The following UNK variants were observed in gnomAD, a reference collection of about 807,000 sequenced individuals.
The protein encoded by UNK is RING finger protein unkempt homolog.
A neutral mutation model predicts 97.6 loss-of-function variants in UNK; 32 were observed. That is an observed-to-expected ratio of 0.33 (90% confidence interval 0.25 to 0.44). The LOEUF (loss-of-function observed/expected upper bound fraction) is 0.44, where lower values mean the gene tolerates loss of function less well. UNK is among the 20% of genes least tolerant of loss of function. The probability of loss-of-function intolerance (pLI) is 1.00; values close to 1 mark genes in which losing one functional copy is unlikely to be tolerated. For missense variants in UNK, 771 were observed against 1,098.4 expected (o/e 0.70, Z 4.21); for synonymous variants, 441 against 461.2 (o/e 0.96, Z 0.56).
intron 13 of UNK, among the ~76,000 whole-genome samples, chr17:75,821,035 A>G (rs1406960600): frequency 7.0e-6 from 1 of 142,716 alleles, no homozygotes; most frequent in African/African-American, 2.5e-5. Flanking sequence ...GACTTGCCCC[A>G]TATTCGGATA....
rs2061981593 is a variant in UNK, at chr17:75,812,731, C to T, written c.622+146C>T. ...CACCCTACACCCACCATTCAAAAGG[C>T]GCCTCTAGGGGCGTTTTCCCTGACA... On this transcript the variant is annotated intron_variant, in intron 4 of 15. Transcript: ENST00000589666. 9 of 1,298,114 alleles carry T rather than the reference C, an allele frequency of 6.9e-6. No homozygotes were observed. In the East Asian group the frequency reaches 1.0e-4, roughly 15 times the overall value. The allele number at this position is 1,298,114 out of a possible 1,614,324, so 80.4% of individuals were successfully genotyped here.
chr17:75,822,383 TG>T, intron 13 of UNK, 93 bp from the exon 14 acceptor site: 1 of 1,431,442 alleles, frequency 7.0e-7, no homozygotes, highest in Non-Finnish European at 9.4e-7. Context: ...ACCCATCCAG[TG>T]GACAGCCAGT....
chr17:75,823,762 T>C (rs1387326497), intron 15 of UNK, among the ~76,000 whole-genome samples: 2 of 152,162 alleles, frequency 1.3e-5, no homozygotes, highest in Non-Finnish European at 2.9e-5. Flanking sequence ...AGGGCGGCCC[T>C]GACCAAGCTT....
intron 6 of UNK, 78 bp from the exon 7 acceptor site, chr17:75,815,067 GGCAAGAGATGACTAAGCCAGCGCA>G: frequency 9.6e-7 from 1 of 1,046,232 alleles, no homozygotes; most frequent in Non-Finnish European, 1.4e-6. Context: ...GGGAACACAG[GGCAAGAGATGACTAAGCCAGCGCA>G]CTCATGCTGG....
intron 1 of UNK, among the ~76,000 whole-genome samples, chr17:75,789,171 A>T (rs990407305): frequency 6.6e-6 from 1 of 152,152 alleles, no homozygotes; most frequent in Non-Finnish European, 1.5e-5. Flanking sequence ...TAATCCTTTC[A>T]GCAAATTGGT....
At chr17:75,820,186 C>T in intron 13 of UNK, 78 bp downstream of exon 13, 1 of 1,447,086 alleles carries the variant, frequency 6.9e-7, no homozygotes. Flanking sequence ...GCCACCCCAT[C>T]TACGGCATAT....
Position 75,811,861 on chromosome 17 carries a change from C to T in UNK, c.315-251C>T, listed in dbSNP as rs1336733224. ...AATTAGCTGGGCATAGTGGTGTGTGCCTGTAGTCCCAGCTACTCGGGAGGC... is the reference window on the plus strand; with the variant it reads ...AATTAGCTGGGCATAGTGGTGTGTGTCTGTAGTCCCAGCTACTCGGGAGGC... On this transcript the variant is annotated intron_variant, in intron 2 of 15. Coordinates refer to ENST00000589666, the MANE Select transcript of UNK (RefSeq NM_001080419.3). 2.0e-5 allele frequency among the ~76,000 whole-genome samples: 3 copies of T among 152,170 alleles called. No individual in the cohort carries two copies. The East Asian group carries it at 5.8e-4, about 29-fold the overall frequency.
In UNK at chr17:75,818,112, A is replaced by C. The variant is rs750177338; in HGVS notation, c.1315A>C (p.Lys439Gln). The C allele has an allele frequency of 3.1e-6, 5 of 1,613,300 alleles. No homozygotes were observed. Among genetic ancestry groups the C allele is most frequent in the Non-Finnish European group, 4.2e-6 (5 of 1,179,720 alleles). The change falls in exon 10 of 16, where the codon AAA (lysine) becomes CAA (glutamine). Residue 439 changes from lysine (K) to glutamine (Q), a missense_variant. Around this residue, in one of 5 missense-constraint regions of UNK, gnomAD observed 192 missense variants for 202.4 expected, o/e 0.95. Coordinates refer to ENST00000589666, the MANE Select transcript of UNK (RefSeq NM_001080419.3). The surrounding 1 kb of genome is among the most constrained non-coding windows in gnomAD (Gnocchi z 5.1). ...LKNFKCQAKL[K>Q]PHSLEPRSQE... ...GAATTTTCTCTCTCAGGCCAAATTAAAACCCCACTCATTAGAGCCCAGGAG... is the reference window on the plus strand; with the variant it reads ...GAATTTTCTCTCTCAGGCCAAATTACAACCCCACTCATTAGAGCCCAGGAG...
Position 75,784,995 on chromosome 17 carries a change from C to CA in UNK, c.104+11_104+12insA. ...ACCGCAGCACTACACGTACGTAGAG[C>CA]CCCCCCCCCCCCGCCGCGCGCGCAC... is the stretch of plus-strand genomic sequence containing the variant. On this transcript the variant is annotated intron_variant, in intron 1 of 15. Transcript: ENST00000589666. The CA allele has an allele frequency of 3.4e-4, 1 of 2,962 alleles. No homozygotes were observed. The highest frequency in any genetic ancestry group is 4.5e-4 in the Non-Finnish European group (1 of 2,242). The allele number at this position is 2,962 out of a possible 1,614,324, so 0.2% of individuals were successfully genotyped here.
chr17:75,805,064 C>T (rs1375723871), intron 1 of UNK, among the ~76,000 whole-genome samples: 1 of 151,286 alleles, frequency 6.6e-6, no homozygotes, highest in African/African-American at 2.4e-5. Flanking sequence ...GCCTGTAATC[C>T]CAGCTACTTG....
At position 75,791,412 on chromosome 17, in the gene UNK, CATT is replaced by C. The variant is rs545167603; in HGVS notation, c.104+6432_104+6434del. Among the ~76,000 whole-genome samples the C allele has an allele frequency of 5.3e-5, 8 of 152,314 alleles. No individual in the cohort carries two copies. The South Asian group carries it at 1.4e-3, about 28-fold the overall frequency. On this transcript the variant is annotated intron_variant, in intron 1 of 15. Transcript: ENST00000589666. ...CCTGGACATGAACATGTATTTAAGT[CATT>C]ATTGCAAATTACAATAAAATCGTGC...
Position 75,789,482 on chromosome 17 carries a change from G to A in UNK, c.104+4498G>A, listed in dbSNP as rs949250455. Reference sequence around the variant, plus strand: ...CTCCCCAGTAGCTGGGAGTACAGGCGCCCGCCACCATGCCCAGCTAATTCT... The same window carrying A: ...CTCCCCAGTAGCTGGGAGTACAGGCACCCGCCACCATGCCCAGCTAATTCT... On this transcript the variant is annotated intron_variant, in intron 1 of 15. Coordinates refer to ENST00000589666, the MANE Select transcript of UNK (RefSeq NM_001080419.3). Among the ~76,000 whole-genome samples the A allele has an allele frequency of 3.3e-5, 5 of 151,968 alleles. No individual in the cohort carries two copies. The East Asian group carries it at 5.8e-4, about 18-fold the overall frequency.
chr17:75,813,671 A>C (rs2061990656), intron 5 of UNK, 90 bp from the exon 6 acceptor site: 4 of 1,109,366 alleles, frequency 3.6e-6, no homozygotes, highest in Non-Finnish European at 5.1e-6. Context: ...TTCTGTGCTC[A>C]TGCCTATGAG....
In UNK at chr17:75,818,857, T is replaced by G. The variant is rs1000523275; in HGVS notation, c.1546+41T>G. The stretch of plus-strand genomic sequence containing the variant: ...CTGTTTGAAAGCCCAGGACTGGGTC[T>G]GGGGTCAGAGACCCCCCAGTCTCTG... On this transcript the variant is annotated intron_variant, in intron 11 of 15. Transcript: ENST00000589666. The surrounding 1 kb of genome is among the most constrained non-coding windows in gnomAD (Gnocchi z 5.1). The G allele has an allele frequency of 6.6e-6, 10 of 1,517,108 alleles. No individual in the cohort carries two copies. Among genetic ancestry groups the G allele is most frequent in the Non-Finnish European group, 8.9e-6 (10 of 1,128,330 alleles). The allele number at this position is 1,517,108 out of a possible 1,614,324, so 94.0% of individuals were successfully genotyped here.
At position 75,813,222 on chromosome 17, in the gene UNK, GC is replaced by G; in HGVS notation, c.758+13del. On this transcript the variant is annotated intron_variant, in intron 5 of 15. Transcript: ENST00000589666. ...CGGAAGCACAAATACAGGTCCTTAG[GC>G]CCCAGGAGGCCAGCCACGGGAGGGA... 1 of 1,568,822 alleles carries G rather than the reference GC, an allele frequency of 6.4e-7. No homozygotes were observed. Among genetic ancestry groups the G allele is most frequent in the Non-Finnish European group, 8.6e-7 (1 of 1,158,056 alleles).
At chr17:75,813,607 G>A (rs1433478843) in intron 5 of UNK, among the ~76,000 whole-genome samples, 154 bp from the exon 6 acceptor site, 1 of 152,200 alleles carries the variant, frequency 6.6e-6, no homozygotes. Flanking sequence ...GTCAGAGAAA[G>A]AGCTTGGCTT....
At chr17:75,821,512 C>G in intron 13 of UNK, 1 of 441,012 alleles carries the variant, frequency 2.3e-6, no homozygotes, top group South Asian at 1.6e-5. Context: ...ACCCTGAGGT[C>G]TTCCTCTGGG....
At chr17:75,797,539 C>T (rs1030612591) in intron 1 of UNK, among the ~76,000 whole-genome samples, 1 of 152,188 alleles carries the variant, frequency 6.6e-6, no homozygotes, top group African/African-American at 2.4e-5. Flanking sequence ...CTGGCCTATA[C>T]TTGTTGAAAA....
intron 1 of UNK, among the ~76,000 whole-genome samples, chr17:75,788,917 G>A (rs1303464082): frequency 6.6e-6 from 1 of 152,194 alleles, no homozygotes; most frequent in Non-Finnish European, 1.5e-5. Flanking sequence ...TGTGATAATT[G>A]AGTCTCACTC....
Sources: gnomAD v4.1 joint callset for allele counts (sites outside exome capture counted in the v4.1 genomes callset) on GRCh38, gnomAD v4.1.1 for gene constraint, gnomAD v4.1.1 regional missense constraint, Gnocchi (gnomAD v3.1) non-coding constraint, MANE v1.5 for transcripts, NCBI Gene and HGNC (gene_info 2026-07-23, HGNC 2026-07-21) for gene names.